The following MITF variants were observed in gnomAD, a reference collection of about 807,000 sequenced individuals.
MITF encodes melanocyte inducing transcription factor, also known as microphthalmia-associated transcription factor.
MITF carries 17 observed loss-of-function variants against 60.5 expected under a neutral mutation model. That is an observed-to-expected ratio of 0.28 (90% confidence interval 0.19 to 0.42). The LOEUF is 0.42. MITF is among the 10% of genes least tolerant of loss of function. The probability of loss-of-function intolerance (pLI) is 1.00; values close to 1 mark genes in which losing one functional copy is unlikely to be tolerated. For synonymous variants in MITF, 260 were observed against 248.5 expected, an observed-to-expected ratio of 1.05 and a Z score of -0.43; for missense variants, 622 against 683.5, an observed-to-expected ratio of 0.91 and a Z score of 1.00.
In MITF at chr3:69,936,760, G is replaced by C. The variant is rs1236436555; in HGVS notation, c.355-1062G>C. 1 of 1,612,242 alleles carries C rather than the reference G, an allele frequency of 6.2e-7. No homozygotes were observed. ...CTAGAATATAATCACTATCAGGTGA[G>C]ATTTATTCTGACTCATATTCAGTCT... On this transcript the variant is annotated intron_variant, in intron 2 of 9. Transcript: ENST00000352241.
At chr3:69,860,373 G>A (rs1278660767) in intron 1 of MITF, among the ~76,000 whole-genome samples, 2 of 152,132 alleles carry the variant, frequency 1.3e-5, no homozygotes, top group Admixed American at 1.3e-4. Context: ...TTGGGAGGCC[G>A]AGGCGGGCGG....
intron 1 of MITF, among the ~76,000 whole-genome samples, chr3:69,841,729 C>T (rs959598423): frequency 3.9e-5 from 6 of 152,220 alleles, no homozygotes; most frequent in Middle Eastern, 6.8e-3. Context: ...TACTTCTTTT[C>T]GTCTCTGAAA....
intron 1 of MITF, among the ~76,000 whole-genome samples, chr3:69,802,320 A>G (rs2062934982): frequency 6.6e-6 from 1 of 152,194 alleles, no homozygotes; most frequent in African/African-American, 2.4e-5. Flanking sequence ...CAAGGCTGAG[A>G]AAGTCTGGCC....
intron 1 of MITF, among the ~76,000 whole-genome samples, chr3:69,747,284 A>G (rs1437867363): frequency 6.6e-6 from 1 of 152,234 alleles, no homozygotes; most frequent in African/African-American, 2.4e-5. Context: ...ATGGAGCATT[A>G]TTGGTAGAAT....
At chr3:69,777,565 G>C (rs2062494328) in intron 1 of MITF, among the ~76,000 whole-genome samples, 1 of 152,156 alleles carries the variant, frequency 6.6e-6, no homozygotes, top group Non-Finnish European at 1.5e-5. Flanking sequence ...TTTAATGAAG[G>C]GTGGGAGCTT....
intron 1 of MITF, among the ~76,000 whole-genome samples, chr3:69,855,858 G>C: frequency 6.6e-6 from 1 of 152,070 alleles, no homozygotes; most frequent in East Asian, 1.9e-4. Flanking sequence ...TGACAGCCTT[G>C]ATTTTTTTTG....
intron 2 of MITF, among the ~76,000 whole-genome samples, chr3:69,933,219 T>G (rs186713228): frequency 5.3e-5 from 8 of 151,904 alleles, no homozygotes; most frequent in African/African-American, 1.9e-4. Flanking sequence ...ATAAATAAAC[T>G]AAAAGGATTA....
chr3:69,864,805 C>T (rs1390621764), intron 1 of MITF, among the ~76,000 whole-genome samples: 2 of 152,002 alleles, frequency 1.3e-5, no homozygotes, highest in East Asian at 1.9e-4. Flanking sequence ...TGCCAACTTC[C>T]CACCTCATAG....
chr3:69,903,925 A>G (rs545020794), intron 2 of MITF, among the ~76,000 whole-genome samples: 1 of 152,258 alleles, frequency 6.6e-6, no homozygotes, highest in African/African-American at 2.4e-5. Context: ...CCCGTTGGCA[A>G]AAAGGCAATA....
chr3:69,930,096 T>C (rs2065684617), intron 2 of MITF, among the ~76,000 whole-genome samples: 1 of 152,060 alleles, frequency 6.6e-6, no homozygotes, highest in South Asian at 2.1e-4. Flanking sequence ...AGGAGCCAAT[T>C]TGGAAGAGTG....
In MITF at chr3:69,939,080, T is replaced by G; in HGVS notation, c.583-18T>G. 6.2e-7 allele frequency: 1 copy of G among 1,613,382 alleles called. No homozygotes were observed. Among genetic ancestry groups the G allele is most frequent in the Non-Finnish European group, 8.5e-7 (1 of 1,179,706 alleles). On this transcript the variant is annotated intron_variant, in intron 3 of 9. Transcript: ENST00000352241. ...TGCAAATCCAAGTTATAGACTGTTT[T>G]TGCTTGTGTTTTTGCAGGGATTTTA...
At chr3:69,782,250 G>T (rs1393907346) in intron 1 of MITF, among the ~76,000 whole-genome samples, 2 of 152,184 alleles carry the variant, frequency 1.3e-5, no homozygotes, top group African/African-American at 2.4e-5. Context: ...TGAATTACTT[G>T]TTTGGCCCCC....
intron 1 of MITF, among the ~76,000 whole-genome samples, chr3:69,746,580 T>G (rs2106754693): frequency 6.6e-6 from 1 of 152,288 alleles, no homozygotes; most frequent in East Asian, 1.9e-4. Context: ...CTAATCGGAA[T>G]AAATTATAAA....
intron 2 of MITF, among the ~76,000 whole-genome samples, chr3:69,911,255 C>A (rs1280074139): frequency 6.6e-6 from 1 of 152,092 alleles, no homozygotes; most frequent in African/African-American, 2.4e-5. Flanking sequence ...ACTGTAAGTC[C>A]AATTAAACCT....
intron 2 of MITF, among the ~76,000 whole-genome samples, chr3:69,917,836 TTTTTTG>T (rs199768270): frequency 1.3e-4 from 19 of 151,988 alleles, no homozygotes; most frequent in East Asian, 1.9e-4. Flanking sequence ...ATAGAGACTG[TTTTTTG>T]TTTTTGTTTT....
intron 1 of MITF, among the ~76,000 whole-genome samples, chr3:69,776,565 G>C (rs2062476532): frequency 6.6e-6 from 1 of 152,190 alleles, no homozygotes; most frequent in South Asian, 2.1e-4. Flanking sequence ...ACAACTTGTG[G>C]TTCATGGTAA....
At chr3:69,860,568 C>T (rs1475621460) in intron 1 of MITF, among the ~76,000 whole-genome samples, 5 of 144,792 alleles carry the variant, frequency 3.5e-5, no homozygotes, top group South Asian at 2.2e-4. Context: ...ACAGCACTCC[C>T]GCCTGGGCGA....
At chr3:69,785,175 G>A (rs2062627824) in intron 1 of MITF, among the ~76,000 whole-genome samples, 1 of 152,056 alleles carries the variant, frequency 6.6e-6, no homozygotes, top group Non-Finnish European at 1.5e-5. Flanking sequence ...GTTCTCCTGC[G>A]GGCACTTGAA....
chr3:69,849,033 C>T (rs1244297752), intron 1 of MITF, among the ~76,000 whole-genome samples: 2 of 134,996 alleles, frequency 1.5e-5, no homozygotes, highest in Admixed American at 1.6e-4. Flanking sequence ...GGCGGGATCT[C>T]GGCTCACTGC....
Sources: allele counts gnomAD v4.1 joint callset (sites outside exome capture counted in the v4.1 genomes callset), GRCh38; gene constraint gnomAD v4.1.1; transcripts MANE v1.5; gene names NCBI Gene and HGNC (gene_info 2026-07-23, HGNC 2026-07-21).